Variants in RFXAP observed in about 807,000 individuals in gnomAD.
RFXAP encodes regulatory factor X-associated protein.
In RFXAP, 21 loss-of-function variants were observed where a neutral mutation model predicts 25.7. The ratio of observed to expected loss-of-function variants is 0.82; its 90% CI spans 0.58 to 1.18. The LOEUF (loss-of-function observed/expected upper bound fraction) is 1.18, where lower values mean the gene tolerates loss of function less well. RFXAP is among the 50% of genes most tolerant of loss of function. RFXAP has a pLI of 0.00. For synonymous variants in RFXAP, 161 were observed against 152.2 expected (o/e 1.06, Z -0.43); for missense variants, 333 against 363.0 (o/e 0.92, Z 0.67).
intron 2 of RFXAP, among the ~76,000 whole-genome samples, chr13:36,827,372 C>G (rs1189834787): frequency 6.6e-6 from 1 of 152,042 alleles, no homozygotes; most frequent in African/African-American, 2.4e-5. Context: ...TATTTGCTGG[C>G]ATATTAGAGA....
chr13:36,824,812 T>C (rs2057972926), intron 1 of RFXAP, among the ~76,000 whole-genome samples: 1 of 152,214 alleles, frequency 6.6e-6, no homozygotes, highest in African/African-American at 2.4e-5. Flanking sequence ...TTCATACAGT[T>C]GGCAGGAGAC....
Position 36,819,733 on chromosome 13 carries a change from G to C in RFXAP, c.376G>C (p.Gly126Arg). 6.4e-7 allele frequency: 1 copy of C among 1,551,730 alleles called. No homozygotes were observed. Reference protein sequence around the residue: ...THSGGEGSSGGARRRGSGGGS... With the variant: ...THSGGEGSSGRARRRGSGGGS... ...CTCGGGGGGCGAGGGCAGCAGCGGG[G>C]GCGCCCGGAGGCGGGGCAGCGGTGG... The change falls in exon 1 of 3, where the codon GGC becomes CGC. Residue 126 changes from glycine (G) to arginine (R), a missense_variant. Transcript: ENST00000255476.
intron 2 of RFXAP, among the ~76,000 whole-genome samples, chr13:36,826,852 T>C (rs2057979665): frequency 6.6e-6 from 1 of 152,144 alleles, no homozygotes; most frequent in African/African-American, 2.4e-5. Flanking sequence ...TCTATAAATT[T>C]ATGTAAGTAT....
intron 1 of RFXAP, among the ~76,000 whole-genome samples, chr13:36,822,333 A>G (rs969794977): frequency 2.6e-5 from 4 of 151,928 alleles, no homozygotes; most frequent in African/African-American, 9.7e-5. Context: ...CTCCCACCTC[A>G]GCCTCCTGAA....
intron 2 of RFXAP, among the ~76,000 whole-genome samples, chr13:36,826,343 A>T (rs1293875739): frequency 6.6e-6 from 1 of 152,240 alleles, no homozygotes; most frequent in African/African-American, 2.4e-5. Flanking sequence ...GCAGAATACC[A>T]TTAAATGATA....
chr13:36,820,865 G>A (rs948565554), intron 1 of RFXAP, among the ~76,000 whole-genome samples: 3 of 152,144 alleles, frequency 2.0e-5, no homozygotes, highest in Non-Finnish European at 2.9e-5. Flanking sequence ...TAGTGTTGCT[G>A]TGAATATGTG....
rs897066939 is a variant in RFXAP, at chr13:36,828,576, A to T, written c.*823A>T. On this transcript the variant is annotated 3_prime_UTR_variant, in exon 3 of 3. Coordinates refer to ENST00000255476, the MANE Select transcript of RFXAP (RefSeq NM_000538.4). ...CTTGTTTGTTGAATTTGTGAACAGT[A>T]TAGATCTCAGCCCACCAATGCCAAG... The T allele has an allele frequency of 6.6e-6, 1 of 152,090 alleles. No individual in the cohort carries two copies. The highest frequency in any genetic ancestry group is 2.4e-5 in the African/African-American group (1 of 41,414). 9.4% of individuals were successfully genotyped at this position (152,090 alleles called of 1,614,324 possible).
intron 2 of RFXAP, among the ~76,000 whole-genome samples, chr13:36,826,008 CA>C (rs1210188219): frequency 6.6e-6 from 1 of 151,886 alleles, no homozygotes; most frequent in Non-Finnish European, 1.5e-5. Flanking sequence ...ACCCCATCTA[CA>C]AAAAAATTTA....
chr13:36,827,138 A>G (rs1408533041), intron 2 of RFXAP, among the ~76,000 whole-genome samples: 2 of 149,050 alleles, frequency 1.3e-5, no homozygotes, highest in Non-Finnish European at 2.9e-5. Flanking sequence ...ATATATGTAC[A>G]TATATATATA....
In RFXAP at chr13:36,819,398, C is replaced by A; in HGVS notation, c.41C>A (p.Ala14Asp). 7.7e-7 allele frequency: 1 copy of A among 1,303,648 alleles called. No homozygotes were observed. Among genetic ancestry groups the A allele is most frequent in the Non-Finnish European group, 9.7e-7 (1 of 1,032,126 alleles). The allele number at this position is 1,303,648 out of a possible 1,614,324, so 80.8% of individuals were successfully genotyped here. A position where few individuals can be genotyped will look rare whatever the true frequency, so the allele number is the denominator to read the frequency against. Reference sequence around the variant, plus strand: ...GTAGCGGAGGGCGCGGGGCCGGGCGCCGCCAGCGGCGTGCCCCACCCCGCG... The same window carrying A: ...GTAGCGGAGGGCGCGGGGCCGGGCGACGCCAGCGGCGTGCCCCACCCCGCG... The part of the protein sequence containing the change: ...QGVAEGAGPG[A>D]ASGVPHPAAL... The change falls in exon 1 of 3, where the codon GCC (alanine) becomes GAC (aspartate). Residue 14 changes from alanine (A) to aspartate (D), a missense_variant. Physicochemically the swap from Ala to Asp is moderately radical, Grantham distance 126. Transcript: ENST00000255476.
intron 1 of RFXAP, 26 bp downstream of exon 1, chr13:36,819,983 G>T (rs895240050): frequency 6.2e-7 from 1 of 1,611,380 alleles, no homozygotes; most frequent in Non-Finnish European, 8.5e-7. Context: ...GAGGCCTGGG[G>T]ATGGGAGGTG....
Position 36,819,385 on chromosome 13 carries a change from G to A in RFXAP, c.28G>A (p.Ala10Thr). The A allele has an allele frequency of 1.5e-6, 2 of 1,297,126 alleles. No homozygotes were observed. The highest frequency in any genetic ancestry group is 1.9e-6 in the Non-Finnish European group (2 of 1,028,210). 80.4% of individuals were successfully genotyped at this position (1,297,126 alleles called of 1,614,324 possible). MEAQGVAEG[A>T]GPGAASGVPH... The stretch of plus-strand genomic sequence containing the variant: ...GGAGGCGCAGGGTGTAGCGGAGGGC[G>A]CGGGGCCGGGCGCCGCCAGCGGCGT... Residue 10 changes from alanine (A) to threonine (T), a missense_variant, in exon 1 of 3, where the codon GCG (alanine) becomes ACG (threonine). Ala to Thr is a moderately conservative substitution (Grantham distance 58). Coordinates refer to ENST00000255476, the MANE Select transcript of RFXAP (RefSeq NM_000538.4).
At chr13:36,822,731 A>G (rs2057967009) in intron 1 of RFXAP, among the ~76,000 whole-genome samples, 1 of 152,214 alleles carries the variant, frequency 6.6e-6, no homozygotes, top group Admixed American at 6.5e-5. Context: ...ATGGAAGGGA[A>G]TTAATTGCTA....
Position 36,828,198 on chromosome 13 carries a change from GGGGTAGTCCCACA to G in RFXAP, c.*446_*458del, listed in dbSNP as rs1174998972. 3 of 173,856 alleles carry G rather than the reference GGGGTAGTCCCACA, an allele frequency of 1.7e-5. No individual in the cohort carries two copies. Among genetic ancestry groups the G allele is most frequent in the African/African-American group, 7.2e-5 (3 of 41,640 alleles). The allele number at this position is 173,856 out of a possible 1,614,324, so 10.8% of individuals were successfully genotyped here. A position where few individuals can be genotyped will look rare whatever the true frequency, so the allele number is the denominator to read the frequency against. The stretch of plus-strand genomic sequence containing the variant: ...GAATGCTAAATGTTCTGCAGTGTCA[GGGGTAGTCCCACA>G]TACTAAAGATTGTCTCACCCGCAGT... On this transcript the variant is annotated 3_prime_UTR_variant, in exon 3 of 3. Transcript: ENST00000255476.
At chr13:36,822,384 A>G (rs2057965669) in intron 1 of RFXAP, among the ~76,000 whole-genome samples, 1 of 151,978 alleles carries the variant, frequency 6.6e-6, no homozygotes, top group African/African-American at 2.4e-5. Context: ...CCGGCCTAAT[A>G]ATACTTATTT....
intron 1 of RFXAP, among the ~76,000 whole-genome samples, chr13:36,823,750 C>T (rs771959323): frequency 1.3e-5 from 2 of 152,130 alleles, no homozygotes; most frequent in Non-Finnish European, 2.9e-5. Context: ...AATGTCTACT[C>T]CACCAATCTA....
At position 36,827,925 on chromosome 13, in the gene RFXAP, T is replaced by C. The variant is rs146334797; in HGVS notation, c.*172T>C. 620 of 590,356 alleles carry C rather than the reference T, an allele frequency of 1.1e-3. 7 individuals carry two copies. In the African/African-American group the frequency reaches 0.011, roughly 10 times the overall value. The allele number at this position is 590,356 out of a possible 1,614,324, so 36.6% of individuals were successfully genotyped here. On this transcript the variant is annotated 3_prime_UTR_variant, in exon 3 of 3. Coordinates refer to ENST00000255476, the MANE Select transcript of RFXAP (RefSeq NM_000538.4). ...TAAGTATTGCACTTTGTGCATCTAA[T>C]CTTTCAGATTACTGTGAGTTTGAAG...
Position 36,824,736 on chromosome 13 carries a change from G to A in RFXAP, c.601-692G>A, listed in dbSNP as rs570237615. ...GGGTACATATTTGGTAATAAGTGCTGCTGATTTTGTTTTTGGGCAGTGAAA... is the reference window on the plus strand; with the variant it reads ...GGGTACATATTTGGTAATAAGTGCTACTGATTTTGTTTTTGGGCAGTGAAA... On this transcript the variant is annotated intron_variant, in intron 1 of 2. Transcript: ENST00000255476. Among the ~76,000 whole-genome samples, 6 of 152,226 alleles carry A rather than the reference G, an allele frequency of 3.9e-5. No homozygotes were observed. In the South Asian group the frequency reaches 8.3e-4, roughly 21 times the overall value.
intron 2 of RFXAP, 47 bp from the exon 3 acceptor site, chr13:36,827,596 A>C (rs1197917510): frequency 2.3e-6 from 3 of 1,315,102 alleles, no homozygotes. Context: ...AAACAGTCTA[A>C]TGACATAGAT....
Sources: allele counts gnomAD v4.1 joint callset (sites outside exome capture counted in the v4.1 genomes callset), GRCh38; gene constraint gnomAD v4.1.1; transcripts MANE v1.5; gene names NCBI Gene and HGNC (gene_info 2026-07-23, HGNC 2026-07-21).